The following CHCHD3 variants were observed in gnomAD, a reference collection of about 807,000 sequenced individuals.
CHCHD3 encodes coiled-coil-helix-coiled-coil-helix domain containing 3, also known as MICOS complex subunit MIC19.
In CHCHD3, 20 loss-of-function variants were observed where a neutral mutation model predicts 38.2. That is an observed-to-expected ratio of 0.52 (90% confidence interval 0.37 to 0.76). CHCHD3 has a LOEUF of 0.76. Among genes scored for constraint, CHCHD3 ranks in the 30% least tolerant of loss-of-function variants. The pLI, the probability that CHCHD3 is intolerant of heterozygous loss-of-function variation, is 0.00. For synonymous variants in CHCHD3, 82 were observed against 100.0 expected, an observed-to-expected ratio of 0.82 and a Z score of 1.07; for missense variants, 245 against 279.2, an observed-to-expected ratio of 0.88 and a Z score of 0.87.
At chr7:132,812,327 A>T (rs1807093905) in intron 6 of CHCHD3, among the ~76,000 whole-genome samples, 1 of 143,924 alleles carries the variant, frequency 6.9e-6, no homozygotes. Flanking sequence ...CTCCTGCCTC[A>T]GCCTCTCCAG....
chr7:133,070,859 A>G (rs1228210129), intron 1 of CHCHD3, among the ~76,000 whole-genome samples: 1 of 152,206 alleles, frequency 6.6e-6, no homozygotes, highest in East Asian at 1.9e-4. Context: ...AGAAAACACA[A>G]TGGGCAGCAC....
At chr7:132,909,656 G>A (rs1562904705) in intron 4 of CHCHD3, among the ~76,000 whole-genome samples, 2 of 152,242 alleles carry the variant, frequency 1.3e-5, no homozygotes, top group East Asian at 3.8e-4. Context: ...GGAGCACAAT[G>A]AGGGTCACAG....
chr7:132,961,842 A>T (rs542471426), intron 4 of CHCHD3, among the ~76,000 whole-genome samples: 1 of 152,276 alleles, frequency 6.6e-6, no homozygotes, highest in Non-Finnish European at 1.5e-5. Flanking sequence ...TGTGAGTTCA[A>T]CTTTTCTAGA....
intron 2 of CHCHD3, among the ~76,000 whole-genome samples, chr7:133,054,309 T>C (rs1178834169): frequency 6.6e-6 from 1 of 152,218 alleles, no homozygotes; most frequent in East Asian, 1.9e-4. Context: ...TAGTGCAGTA[T>C]TTCTCTGACA....
chr7:132,948,564 A>G (rs1036057198), intron 4 of CHCHD3, among the ~76,000 whole-genome samples: 1 of 152,090 alleles, frequency 6.6e-6, no homozygotes, highest in Admixed American at 6.6e-5. Flanking sequence ...TTCTGCAGGG[A>G]TGTTTATTAC....
At position 133,007,093 on chromosome 7, in the gene CHCHD3, T is replaced by G. The variant is rs535856305; in HGVS notation, c.251+17453A>C. Among the ~76,000 whole-genome samples the G allele has an allele frequency of 1.4e-4, 22 of 152,354 alleles. No homozygotes were observed. In the East Asian group the frequency reaches 3.9e-3, roughly 27 times the overall value. ...CATTTCTCTAATTTTCTAAACAGTG[T>G]GAGTTATTTTTGTAACTAGAAAAAA... On this transcript the variant is annotated intron_variant, in intron 3 of 7. Coordinates refer to ENST00000262570, the MANE Select transcript of CHCHD3 (RefSeq NM_017812.4).
At chr7:133,052,163 C>A (rs1372509252) in intron 2 of CHCHD3, 1 of 152,204 alleles carries the variant, frequency 6.6e-6, no homozygotes, top group Non-Finnish European at 1.5e-5. Context: ...GCTGGCTGGT[C>A]CCAAAACCTG....
At chr7:132,963,738 T>C (rs758206745) in intron 4 of CHCHD3, among the ~76,000 whole-genome samples, 7 of 142,782 alleles carry the variant, frequency 4.9e-5, no homozygotes, top group Non-Finnish European at 7.6e-5. Context: ...TAATACTCAG[T>C]TGTTAGTTTT....
chr7:132,870,258 G>A (rs555955980), intron 5 of CHCHD3, among the ~76,000 whole-genome samples: 37 of 151,716 alleles, frequency 2.4e-4, no homozygotes, highest in Non-Finnish European at 4.9e-4. Context: ...GCTGAAGTGG[G>A]AGGATTGCTT....
At chr7:132,847,009 T>C (rs1225629161) in intron 5 of CHCHD3, among the ~76,000 whole-genome samples, 1 of 152,196 alleles carries the variant, frequency 6.6e-6, no homozygotes, top group Non-Finnish European at 1.5e-5. Flanking sequence ...TCAGGGCTGA[T>C]ATAACTATGC....
At chr7:132,785,689 T>C (rs1585511440) in intron 7 of CHCHD3, 29 bp from the exon 8 acceptor site, 1 of 1,613,344 alleles carries the variant, frequency 6.2e-7, no homozygotes, top group Non-Finnish European at 8.5e-7. Context: ...GAGTAAGTTT[T>C]ACCACCGGGA....
chr7:132,891,317 AACCTATT>A (rs1285389361), intron 4 of CHCHD3, among the ~76,000 whole-genome samples: 4 of 152,358 alleles, frequency 2.6e-5, no homozygotes, highest in Middle Eastern at 3.4e-3. Flanking sequence ...AATGATGTCC[AACCTATT>A]ATCATACTTT....
At chr7:132,923,545 A>G (rs1217270999) in intron 4 of CHCHD3, among the ~76,000 whole-genome samples, 1 of 152,186 alleles carries the variant, frequency 6.6e-6, no homozygotes, top group East Asian at 1.9e-4. Flanking sequence ...TTTTTTCAAA[A>G]AAATTCATAG....
In CHCHD3 at chr7:132,885,673, G is replaced by T; in HGVS notation, c.442C>A (p.Leu148Met). 1 of 1,604,812 alleles carries T rather than the reference G, an allele frequency of 6.2e-7. No individual in the cohort carries two copies. Among genetic ancestry groups the T allele is most frequent in the South Asian group, 1.1e-5 (1 of 89,300 alleles). The change falls in exon 5 of 8, where the codon CTG (leucine) becomes ATG (methionine). Residue 148 changes from leucine to methionine, a missense_variant. Physicochemically the swap from Leu to Met is conservative, Grantham distance 15. Coordinates refer to ENST00000262570, the MANE Select transcript of CHCHD3 (RefSeq NM_017812.4). ...DAFYKEQLAR[L>M]EERSSEFYRV... ...AAAAATAGTCATACCCTCTCCTCCAGTCTAGCCAGCTGTTCTTTGTAGAAT... is the reference window on the plus strand; with the variant it reads ...AAAAATAGTCATACCCTCTCCTCCATTCTAGCCAGCTGTTCTTTGTAGAAT...
At chr7:132,974,155 A>G in intron 4 of CHCHD3, 1 of 546,356 alleles carries the variant, frequency 1.8e-6, no homozygotes, top group Non-Finnish European at 2.8e-6. Flanking sequence ...GAGGCTTAAC[A>G]CCATCTATAG....
In CHCHD3 at chr7:133,037,773, A is replaced by G. The variant is rs376262680; in HGVS notation, c.170-13146T>C. Among the ~76,000 whole-genome samples the G allele has an allele frequency of 2.0e-5, 3 of 152,190 alleles. No homozygotes were observed. In the East Asian group the frequency reaches 5.8e-4, roughly 29 times the overall value. ...GGTCGCAGTGAGCCGAGAACACGCC[A>G]CTGCACTCCAGCCTGGCGACAGAGC... On this transcript the variant is annotated intron_variant, in intron 2 of 7. Coordinates refer to ENST00000262570, the MANE Select transcript of CHCHD3 (RefSeq NM_017812.4).
intron 6 of CHCHD3, among the ~76,000 whole-genome samples, chr7:132,811,948 TTATAGG>T (rs1303325053): frequency 6.6e-6 from 1 of 152,166 alleles, no homozygotes; most frequent in African/African-American, 2.4e-5. Context: ...CCCAGCCCTC[TTATAGG>T]TGACTGACTA....
At chr7:132,943,194 A>C (rs924570658) in intron 4 of CHCHD3, among the ~76,000 whole-genome samples, 3 of 152,148 alleles carry the variant, frequency 2.0e-5, no homozygotes, top group Admixed American at 1.3e-4. Flanking sequence ...AAAGAACAAC[A>C]AAGAGACTTG....
chr7:132,814,286 C>T (rs1807145416), intron 6 of CHCHD3, among the ~76,000 whole-genome samples: 1 of 152,296 alleles, frequency 6.6e-6, no homozygotes, highest in Non-Finnish European at 1.5e-5. Context: ...GAGGCCTAGA[C>T]ATGCCGGTGT....
Sources: gnomAD v4.1 joint callset for allele counts (sites outside exome capture counted in the v4.1 genomes callset) on GRCh38, gnomAD v4.1.1 for gene constraint, MANE v1.5 for transcripts, NCBI Gene and HGNC (gene_info 2026-07-23, HGNC 2026-07-21) for gene names.